Variants in ABTB3 observed in about 807,000 individuals in gnomAD.
The protein encoded by ABTB3 is ankyrin repeat and BTB domain containing 3.
At chr12:107,577,314 T>C in the ABTB3 span, among the ~76,000 whole-genome samples, 1 of 152,218 alleles carries the variant, frequency 6.6e-6, no homozygotes, top group East Asian at 1.9e-4. Context: ...AAAACGTTGA[T>C]GGGCCAGAGG....
At chr12:107,638,713 T>C in the ABTB3 span, among the ~76,000 whole-genome samples, 2 of 152,236 alleles carry the variant, frequency 1.3e-5, no homozygotes, top group Non-Finnish European at 2.9e-5. Flanking sequence ...GCCACTTTGC[T>C]AAGTGCTCTC....
At chr12:107,440,914 G>A in the ABTB3 span, among the ~76,000 whole-genome samples, 2 of 152,222 alleles carry the variant, frequency 1.3e-5, no homozygotes, top group African/African-American at 2.4e-5. Context: ...CAAGTTTGTA[G>A]CGTTTCTCCC....
At chr12:107,575,381 G>A in the ABTB3 span, among the ~76,000 whole-genome samples, 4 of 152,040 alleles carry the variant, frequency 2.6e-5, no homozygotes, top group East Asian at 3.9e-4. Flanking sequence ...GCACTTTCTC[G>A]GTACCAGGCG....
chr12:107,411,814 A>T, the ABTB3 span, among the ~76,000 whole-genome samples: 1 of 152,150 alleles, frequency 6.6e-6, no homozygotes, highest in East Asian at 1.9e-4. Context: ...AGCTCTCCAA[A>T]TTCCAGCTGC....
chr12:107,623,619 G>A, the ABTB3 span, among the ~76,000 whole-genome samples: 7 of 150,390 alleles, frequency 4.7e-5, no homozygotes, highest in Admixed American at 4.0e-4. Flanking sequence ...TACTTGCCTC[G>A]ACCTCCTAAA....
the ABTB3 span, among the ~76,000 whole-genome samples, chr12:107,636,228 AG>A: frequency 1.2e-4 from 19 of 152,332 alleles, no homozygotes; most frequent in African/African-American, 3.4e-4. Flanking sequence ...AGGTTCTTTC[AG>A]AGGATCCTGG....
chr12:107,430,637 A>G, the ABTB3 span, among the ~76,000 whole-genome samples: 1 of 152,176 alleles, frequency 6.6e-6, no homozygotes, highest in Non-Finnish European at 1.5e-5. Flanking sequence ...TACCTTCCAG[A>G]ATAGTGTTAA....
At chr12:107,585,749 C>A in the ABTB3 span, among the ~76,000 whole-genome samples, 1 of 152,154 alleles carries the variant, frequency 6.6e-6, no homozygotes, top group African/African-American at 2.4e-5. Context: ...TCCTAAAATA[C>A]AACTCTATAA....
the ABTB3 span, among the ~76,000 whole-genome samples, chr12:107,383,083 C>T: frequency 6.6e-6 from 1 of 152,150 alleles, no homozygotes; most frequent in African/African-American, 2.4e-5. Flanking sequence ...TCCCTGACCC[C>T]ATGTCAAGGC....
At chr12:107,540,467 C>T in the ABTB3 span, among the ~76,000 whole-genome samples, 3 of 152,232 alleles carry the variant, frequency 2.0e-5, no homozygotes, top group South Asian at 6.2e-4. Flanking sequence ...CACAGACACA[C>T]CCAGAAATAA....
At chr12:107,515,834 T>C in the ABTB3 span, among the ~76,000 whole-genome samples, 1 of 152,172 alleles carries the variant, frequency 6.6e-6, no homozygotes, top group African/African-American at 2.4e-5. Flanking sequence ...ATCTGTGTCA[T>C]AGCCCACAGT....
the ABTB3 span, among the ~76,000 whole-genome samples, chr12:107,337,650 C>T: frequency 6.6e-6 from 1 of 152,160 alleles, no homozygotes; most frequent in East Asian, 1.9e-4. Flanking sequence ...AGGTTCCCAC[C>T]CAGCCACCTG....
At chr12:107,550,649 C>T in the ABTB3 span, among the ~76,000 whole-genome samples, 6 of 145,650 alleles carry the variant, frequency 4.1e-5, no homozygotes, top group East Asian at 2.0e-4. Flanking sequence ...GGCGTGATTT[C>T]GGCTCACTGC....
the ABTB3 span, among the ~76,000 whole-genome samples, chr12:107,425,054 A>G: frequency 6.6e-6 from 1 of 152,010 alleles, no homozygotes; most frequent in Non-Finnish European, 1.5e-5. Context: ...CACACCCTCG[A>G]TTGCCTGCCA....
At chr12:107,326,545 T>A in the ABTB3 span, among the ~76,000 whole-genome samples, 1 of 152,194 alleles carries the variant, frequency 6.6e-6, no homozygotes, top group Non-Finnish European at 1.5e-5. Context: ...TGACCACCAA[T>A]ACATGTGTGC....
chr12:107,501,535 CAA>C, the ABTB3 span, among the ~76,000 whole-genome samples: 6 of 151,782 alleles, frequency 4.0e-5, no homozygotes, highest in African/African-American at 1.5e-4. Flanking sequence ...TCCATCTCTA[CAA>C]AAAAATACAA....
At chr12:107,408,599 T>C in the ABTB3 span, among the ~76,000 whole-genome samples, 2 of 152,236 alleles carry the variant, frequency 1.3e-5, no homozygotes, top group African/African-American at 4.8e-5. Flanking sequence ...TTGTCTTACA[T>C]AAATCTGTGA....
the ABTB3 span, among the ~76,000 whole-genome samples, chr12:107,401,478 C>T: frequency 6.6e-5 from 10 of 152,152 alleles, no homozygotes; most frequent in Non-Finnish European, 1.3e-4. Context: ...CCAGGAACAC[C>T]CCATCACAGG....
At chr12:107,529,826 C>A in the ABTB3 span, among the ~76,000 whole-genome samples, 1 of 152,174 alleles carries the variant, frequency 6.6e-6, no homozygotes, top group African/African-American at 2.4e-5. Flanking sequence ...CACTGCCTCC[C>A]CTTCCCGGAA....
Sources: gnomAD v4.1 joint callset for allele counts (sites outside exome capture counted in the v4.1 genomes callset) on GRCh38, gnomAD v4.1.1 for gene constraint, MANE v1.5 for transcripts, NCBI Gene and HGNC (gene_info 2026-07-23, HGNC 2026-07-21) for gene names.